The following PTPRQ variants were observed in gnomAD, a reference collection of about 807,000 sequenced individuals.
The protein encoded by PTPRQ is phosphatidylinositol phosphatase PTPRQ.
In PTPRQ, 199 loss-of-function variants were observed where a neutral mutation model predicts 246.0. That is an observed-to-expected ratio of 0.81 (90% CI 0.72 to 0.91). PTPRQ has a LOEUF of 0.91. Among genes scored for constraint, PTPRQ ranks in the 40% least tolerant of loss-of-function variants. PTPRQ has a pLI of 0.00. For synonymous variants in PTPRQ, 869 were observed against 853.2 expected (o/e 1.02, Z -0.32); for missense variants, 2,624 against 2,528.4 (o/e 1.04, Z -0.81).
chr12:80,580,883 G>T (rs531885349), intron 25 of PTPRQ, among the ~76,000 whole-genome samples: 33 of 152,280 alleles, frequency 2.2e-4, no homozygotes, highest in African/African-American at 7.2e-4. Flanking sequence ...CTATAGCCAG[G>T]TTACAAATAA....
chr12:80,545,860 G>T (rs1896288969), intron 23 of PTPRQ, among the ~76,000 whole-genome samples: 1 of 150,822 alleles, frequency 6.6e-6, no homozygotes, highest in South Asian at 2.1e-4. Context: ...ACACAGGAAT[G>T]CTGTGGGTAT....
At position 80,588,015 on chromosome 12, in the gene PTPRQ, A is replaced by G. The variant is rs1897673492; in HGVS notation, c.4286-114A>G. On this transcript the variant is annotated intron_variant, in intron 25 of 44. Transcript: ENST00000644991. Reference sequence around the variant, plus strand: ...TGTGGGGATAATTAATCTAAGAGCTATAGTAATTTGACAGATCTCTACTAG... The same window carrying G: ...TGTGGGGATAATTAATCTAAGAGCTGTAGTAATTTGACAGATCTCTACTAG... The G allele has an allele frequency of 3.7e-6, 4 of 1,086,522 alleles. No individual in the cohort carries two copies. The East Asian group carries it at 7.9e-5, about 22-fold the overall frequency. The allele number at this position is 1,086,522 out of a possible 1,614,324, so 67.3% of individuals were successfully genotyped here.
chr12:80,641,851 TTCTC>T (rs774539353), intron 35 of PTPRQ, among the ~76,000 whole-genome samples: 1 of 149,824 alleles, frequency 6.7e-6, no homozygotes, highest in Admixed American at 6.6e-5. Flanking sequence ...CCTTCTCTCT[TTCTC>T]TCTCTCTCAC....
intron 33 of PTPRQ, among the ~76,000 whole-genome samples, chr12:80,628,967 C>T (rs1169485465): frequency 6.6e-6 from 1 of 152,060 alleles, no homozygotes; most frequent in Non-Finnish European, 1.5e-5. Flanking sequence ...AAGTTTATTT[C>T]CTCACAGTCC....
intron 8 of PTPRQ, among the ~76,000 whole-genome samples, chr12:80,484,044 C>T (rs760475929): frequency 3.3e-5 from 5 of 151,872 alleles, no homozygotes; most frequent in Non-Finnish European, 7.4e-5. Flanking sequence ...CTTGCTCTTT[C>T]TTCCAGGCTG....
At chr12:80,545,403 T>C (rs1191446323) in intron 23 of PTPRQ, among the ~76,000 whole-genome samples, 1 of 152,138 alleles carries the variant, frequency 6.6e-6, no homozygotes, top group African/African-American at 2.4e-5. Flanking sequence ...TTAAAATTTC[T>C]GTTACTGTGA....
chr12:80,673,381 A>G, intron 43 of PTPRQ, 77 bp downstream of exon 43: 9 of 1,503,580 alleles, frequency 6.0e-6, no homozygotes, highest in Non-Finnish European at 7.1e-6. Flanking sequence ...AGCAATCTGG[A>G]TGGACATGAG....
In PTPRQ at chr12:80,445,217, G is replaced by A. The variant is rs565578338; in HGVS notation, c.164-274G>A. ...CTTAGTTTTTCTGTGTAAGCCTTGC[G>A]TAAGTGAATTTCTTTTAAAAATGAT... On this transcript the variant is annotated intron_variant, in intron 2 of 44. Transcript: ENST00000644991. Among the ~76,000 whole-genome samples, 10 of 152,002 alleles carry A rather than the reference G, an allele frequency of 6.6e-5. 1 individual carries two copies. Among genetic ancestry groups the A allele is most frequent in the South Asian group, 6.2e-4 (3 of 4,820 alleles).
chr12:80,653,663 A>T (rs1033247166), intron 38 of PTPRQ, among the ~76,000 whole-genome samples: 2 of 152,166 alleles, frequency 1.3e-5, no homozygotes, highest in African/African-American at 4.8e-5. Flanking sequence ...ACTTCTTAAA[A>T]ATTGAATTCT....
intron 17 of PTPRQ, among the ~76,000 whole-genome samples, chr12:80,528,771 T>C (rs1477254871): frequency 1.3e-5 from 2 of 152,206 alleles, no homozygotes; most frequent in Non-Finnish European, 2.9e-5. Context: ...TCAGTTCAAG[T>C]GCAATCCTTC....
intron 22 of PTPRQ, 42 bp from the exon 23 acceptor site, chr12:80,542,688 A>G (rs964597029): frequency 1.3e-6 from 2 of 1,510,968 alleles, no homozygotes; most frequent in African/African-American, 2.8e-5. Flanking sequence ...TTTTATGTTA[A>G]AAGTTTTATG....
At chr12:80,514,400 A>T (rs61951978) in intron 17 of PTPRQ, among the ~76,000 whole-genome samples, 6,267 of 47,752 alleles carry the variant, frequency 0.13, 159 homozygotes, top group Non-Finnish European at 0.2. Flanking sequence ...ACACACACAC[A>T]CACTCTCTCT....
chr12:80,649,864 C>T (rs1440513576), intron 37 of PTPRQ, among the ~76,000 whole-genome samples, 195 bp downstream of exon 37: 3 of 152,086 alleles, frequency 2.0e-5, no homozygotes, highest in Non-Finnish European at 4.4e-5. Context: ...AATTATTCAC[C>T]TACTGTGTCA....
chr12:80,446,323 T>A (rs1007539277), intron 3 of PTPRQ, among the ~76,000 whole-genome samples: 1 of 151,644 alleles, frequency 6.6e-6, no homozygotes, highest in African/African-American at 2.4e-5. Flanking sequence ...TCCATAACAG[T>A]AAAATAATAA....
intron 6 of PTPRQ, among the ~76,000 whole-genome samples, chr12:80,465,024 T>C (rs1356458392): frequency 1.2e-4 from 12 of 98,422 alleles, no homozygotes; most frequent in African/African-American, 4.5e-4. Context: ...CTGAAGGACA[T>C]AGAGACACAA....
chr12:80,623,930 G>A (rs1226396325), intron 33 of PTPRQ, among the ~76,000 whole-genome samples: 1 of 152,160 alleles, frequency 6.6e-6, no homozygotes, highest in Non-Finnish European at 1.5e-5. Flanking sequence ...TCTGCCCAAT[G>A]ATGGCCTCAT....
intron 33 of PTPRQ, among the ~76,000 whole-genome samples, chr12:80,623,878 G>T (rs1442751720): frequency 6.6e-6 from 1 of 152,082 alleles, no homozygotes; most frequent in Non-Finnish European, 1.5e-5. Flanking sequence ...GAACCACAGT[G>T]CACAGGAGCA....
At chr12:80,593,921 T>C (rs183395199) in intron 26 of PTPRQ, among the ~76,000 whole-genome samples, 1 of 150,522 alleles carries the variant, frequency 6.6e-6, no homozygotes, top group East Asian at 2.0e-4. Flanking sequence ...CCACCAAGAC[T>C]GGAAGACAGC....
chr12:80,633,903 AT>A (rs1213339592), intron 34 of PTPRQ, among the ~76,000 whole-genome samples: 1 of 152,106 alleles, frequency 6.6e-6, no homozygotes, highest in Non-Finnish European at 1.5e-5. Flanking sequence ...GGTCCTCCTT[AT>A]TCCCCACAAC....
Sources: gnomAD v4.1 joint callset for allele counts (sites outside exome capture counted in the v4.1 genomes callset) on GRCh38, gnomAD v4.1.1 for gene constraint, MANE v1.5 for transcripts, NCBI Gene and HGNC (gene_info 2026-07-23, HGNC 2026-07-21) for gene names.